CILK1: variants seen among roughly 807,000 people sequenced by gnomAD.
CILK1 encodes ciliogenesis associated kinase 1.
A neutral mutation model predicts 79.2 loss-of-function variants in CILK1; 47 were observed. That is an observed-to-expected ratio of 0.59 (90% CI 0.47 to 0.76). The LOEUF (loss-of-function observed/expected upper bound fraction) is 0.76, where lower values mean the gene tolerates loss of function less well. Among genes scored for constraint, CILK1 ranks in the 30% least tolerant of loss-of-function variants. The pLI is 0.00. For synonymous variants in CILK1, 266 were observed against 275.9 expected (o/e 0.96, Z 0.36); for missense variants, 660 against 769.5 (o/e 0.86, Z 1.68).
In CILK1 at chr6:53,003,425, A is replaced by C. The variant is rs1764036800; in HGVS notation, c.*1724T>G. On this transcript the variant is annotated 3_prime_UTR_variant, in exon 14 of 14. Coordinates refer to ENST00000676107, the MANE Select transcript of CILK1 (RefSeq NM_014920.5). ...ATATGAAAGTGTCTATATTCATTTC[A>C]CCTATCATTTTAACCTATAAAAATG... is the stretch of plus-strand genomic sequence containing the variant. 6.6e-6 allele frequency: 1 copy of C among 152,294 alleles called. No individual in the cohort carries two copies. Among genetic ancestry groups the C allele is most frequent in the South Asian group, 2.1e-4 (1 of 4,828 alleles). The allele number at this position is 152,294 out of a possible 1,614,324, so 9.4% of individuals were successfully genotyped here.
chr6:53,031,044 A>C (rs1765923860), intron 5 of CILK1, 21 bp downstream of exon 5: 3 of 1,517,770 alleles, frequency 2.0e-6, no homozygotes, highest in Non-Finnish European at 2.7e-6. Flanking sequence ...CTTCAAAAGC[A>C]CAACACTCCG....
Position 53,004,861 on chromosome 6 carries a change from T to G in CILK1, c.*288A>C, listed in dbSNP as rs953493073. On this transcript the variant is annotated 3_prime_UTR_variant, in exon 14 of 14. Coordinates refer to ENST00000676107, the MANE Select transcript of CILK1 (RefSeq NM_014920.5). ...AAAGTTCATTACAAAGTTGACTGTA[T>G]AAAATGCTAAAACATAATCCATATA... 11 of 287,174 alleles carry G rather than the reference T, an allele frequency of 3.8e-5. No homozygotes were observed. The highest frequency in any genetic ancestry group is 5.9e-5 in the Non-Finnish European group (9 of 151,902). 17.8% of individuals were successfully genotyped at this position (287,174 alleles called of 1,614,324 possible).
At chr6:53,018,570 G>A (rs1200125014) in intron 6 of CILK1, 69 bp from the exon 7 acceptor site, 1 of 1,455,158 alleles carries the variant, frequency 6.9e-7, no homozygotes, top group East Asian at 2.3e-5. Flanking sequence ...ATAACAATCA[G>A]TTCTCAGTGA....
At chr6:53,026,239 A>C (rs771370473) in intron 5 of CILK1, among the ~76,000 whole-genome samples, 4 of 152,144 alleles carry the variant, frequency 2.6e-5, no homozygotes, top group Non-Finnish European at 5.9e-5. Flanking sequence ...ATCTCGGCTC[A>C]CTGCAACCTT....
In CILK1 at chr6:53,061,647, C is replaced by T. The variant is rs1768473183; in HGVS notation, c.-224G>A. On this transcript the variant is annotated 5_prime_UTR_variant, in exon 1 of 14. Transcript: ENST00000676107. ...CGCCCCTGAGGTGAGCGCAGCTCCT[C>T]GACGAGCGGGGCGCAGCCGCCCGCT... 6.6e-6 allele frequency: 1 copy of T among 152,322 alleles called. No individual in the cohort carries two copies. Among genetic ancestry groups the T allele is most frequent in the South Asian group, 2.1e-4 (1 of 4,838 alleles). The allele number at this position is 152,322 out of a possible 1,614,324, so 9.4% of individuals were successfully genotyped here. A position where few individuals can be genotyped will look rare whatever the true frequency, so the allele number is the denominator to read the frequency against.
chr6:53,034,599 T>C (rs978421219), intron 3 of CILK1, among the ~76,000 whole-genome samples: 4 of 152,166 alleles, frequency 2.6e-5, no homozygotes, highest in African/African-American at 9.7e-5. Context: ...GTTGTCCACA[T>C]CAGGGACTGA....
chr6:53,016,690 T>C (rs316143), intron 7 of CILK1, among the ~76,000 whole-genome samples: 11 of 152,216 alleles, frequency 7.2e-5, no homozygotes, highest in Non-Finnish European at 1.3e-4. Context: ...AACTTGGTGA[T>C]TGAAAGTATA....
intron 1 of CILK1, among the ~76,000 whole-genome samples, chr6:53,054,121 A>G (rs1767680611): frequency 6.6e-6 from 1 of 152,170 alleles, no homozygotes; most frequent in Admixed American, 6.5e-5. Context: ...CAAGTGCCCC[A>G]GTGCCTCAGC....
chr6:53,023,771 A>G (rs939836249), intron 5 of CILK1, among the ~76,000 whole-genome samples: 2 of 152,242 alleles, frequency 1.3e-5, no homozygotes, highest in Non-Finnish European at 2.9e-5. Context: ...TCTGTTCATC[A>G]TTCTAAAGAC....
chr6:53,019,365 G>A lies in CILK1; in HGVS notation c.359-6C>T. 6.2e-7 allele frequency: 1 copy of A among 1,613,978 alleles called. No homozygotes were observed. Among genetic ancestry groups the A allele is most frequent in the South Asian group, 1.1e-5 (1 of 91,074 alleles). On this transcript the variant is annotated splice_region_variant and splice_polypyrimidine_tract_variant and intron_variant, in intron 5 of 13. Coordinates refer to ENST00000676107, the MANE Select transcript of CILK1 (RefSeq NM_014920.5). ...TAAGTCTCGATGAAAGAAGCCTATA[G>A]AGACAGTAGAGGAGAAGAAATCCAA... is the stretch of plus-strand genomic sequence containing the variant.
intron 6 of CILK1, 54 bp downstream of exon 6, chr6:53,019,173 T>TG: frequency 1.3e-6 from 2 of 1,504,782 alleles, no homozygotes; most frequent in South Asian, 2.3e-5. Flanking sequence ...CTTAGCATAA[T>TG]GATATCTTTT....
chr6:53,045,527 T>G (rs1767006414), intron 1 of CILK1, among the ~76,000 whole-genome samples: 1 of 152,198 alleles, frequency 6.6e-6, no homozygotes, highest in Non-Finnish European at 1.5e-5. Flanking sequence ...TATTATAAAA[T>G]GGGCTTTGTG....
At position 53,032,571 on chromosome 6, in the gene CILK1, C is replaced by G; in HGVS notation, c.240G>C (p.Glu80Asp). The change falls in exon 4 of 14, where the codon GAG (glutamate) becomes GAC (aspartate). Residue 80 changes from glutamate (E) to aspartate (D), a missense_variant. Coordinates refer to ENST00000676107, the MANE Select transcript of CILK1 (RefSeq NM_014920.5). ...GCTGGTAAAGATTTTCCTTCATGTA[C>G]TCGAAGATAAAATAAAGATGATCAT... is the stretch of plus-strand genomic sequence containing the variant. ...RENDHLYFIF[E>D]YMKENLYQLI... 1 of 1,607,760 alleles carries G rather than the reference C, an allele frequency of 6.2e-7. No homozygotes were observed. Among genetic ancestry groups the G allele is most frequent in the Non-Finnish European group, 8.5e-7 (1 of 1,175,404 alleles).
At position 53,032,590 on chromosome 6, in the gene CILK1, T is replaced by C. The variant is rs1169205511; in HGVS notation, c.221A>G (p.His74Arg). The part of the protein sequence containing the change: ...KLKEVIREND[H>R]LYFIFEYMKE... ...CATGTACTCGAAGATAAAATAAAGA[T>C]GATCATTTTCCCTGATAACTTCTTT... Residue 74 changes from histidine to arginine, a missense_variant, in exon 4 of 14, where the codon CAT (histidine) becomes CGT (arginine). Physicochemically the swap from His to Arg is conservative, Grantham distance 29 (BLOSUM62 0). Coordinates refer to ENST00000676107, the MANE Select transcript of CILK1 (RefSeq NM_014920.5). 6.8e-6 allele frequency: 11 copies of C among 1,606,772 alleles called. No homozygotes were observed. The highest frequency in any genetic ancestry group is 6.7e-5 in the Admixed American group (4 of 59,850).
Position 53,012,088 on chromosome 6 carries a change from C to A in CILK1, c.1292G>T (p.Ser431Ile). Residue 431 changes from serine to isoleucine, a missense_variant, in exon 10 of 14, where the codon AGC becomes ATC. Ser to Ile is a moderately radical substitution (Grantham distance 142). Coordinates refer to ENST00000676107, the MANE Select transcript of CILK1 (RefSeq NM_014920.5). The part of the protein sequence containing the change: ...LDDLDFSPSL[S>I]RIDLKNKKRQ... ...TTTCTTGTTTTTCAGGTCAATCCTG[C>A]TGAGGGATGGACTGAAATCCAAGTC... is the stretch of plus-strand genomic sequence containing the variant. 1 of 1,614,190 alleles carries A rather than the reference C, an allele frequency of 6.2e-7. No individual in the cohort carries two copies. The highest frequency in any genetic ancestry group is 8.5e-7 in the Non-Finnish European group (1 of 1,180,026).
At chr6:53,018,903 G>A (rs1765052173) in intron 6 of CILK1, among the ~76,000 whole-genome samples, 1 of 152,190 alleles carries the variant, frequency 6.6e-6, no homozygotes, top group South Asian at 2.1e-4. Context: ...GTGTCTCAAA[G>A]TTTTCACAAT....
In CILK1 at chr6:53,019,251, T is replaced by C; in HGVS notation, c.467A>G (p.Tyr156Cys). The C allele has an allele frequency of 6.2e-7, 1 of 1,613,960 alleles. No individual in the cohort carries two copies. The highest frequency in any genetic ancestry group is 8.5e-7 in the Non-Finnish European group (1 of 1,179,820). Residue 156 changes from tyrosine (Y) to cysteine (C), a missense_variant, in exon 6 of 14, where the codon TAT becomes TGT. Physicochemically the swap from Tyr to Cys is radical, Grantham distance 194. Coordinates refer to ENST00000676107, the MANE Select transcript of CILK1 (RefSeq NM_014920.5). ...LAREIRSKPP[Y>C]TDYVSTRWYR... is the part of the protein sequence containing the mutation. ...CCATCTGGTAGATACATAATCTGTA[T>C]ATGGAGGTTTTGATCGTATTTCTCG...
At chr6:53,048,440 T>C (rs931351972) in intron 1 of CILK1, among the ~76,000 whole-genome samples, 1 of 152,198 alleles carries the variant, frequency 6.6e-6, no homozygotes, top group Admixed American at 6.5e-5. Context: ...AAAAAGTGAA[T>C]GGTATTAGCC....
chr6:53,009,646 G>T, intron 11 of CILK1, 79 bp from the exon 12 acceptor site: 1 of 1,270,884 alleles, frequency 7.9e-7, no homozygotes, highest in Non-Finnish European at 1.1e-6. Flanking sequence ...AATTAATGCA[G>T]AACTCAATTT....
Sources: gnomAD v4.1 joint callset for allele counts (sites outside exome capture counted in the v4.1 genomes callset) on GRCh38, gnomAD v4.1.1 for gene constraint, MANE v1.5 for transcripts, NCBI Gene and HGNC (gene_info 2026-07-23, HGNC 2026-07-21) for gene names.